The following SYN2 variants were observed in gnomAD, a reference collection of about 807,000 sequenced individuals.
The protein encoded by SYN2 is synapsin-2.
A neutral mutation model predicts 50.9 loss-of-function variants in SYN2; 19 were observed. The observed-to-expected ratio is 0.37, with a 90% confidence interval of 0.26 to 0.55. The LOEUF (loss-of-function observed/expected upper bound fraction) is 0.55, where lower values mean the gene tolerates loss of function less well. Among genes scored for constraint, SYN2 ranks in the 20% least tolerant of loss-of-function variants. SYN2 has a pLI of 0.81. For missense variants in SYN2, 587 were observed against 576.4 expected (o/e 1.02, Z -0.19); for synonymous variants, 255 against 224.9 (o/e 1.13, Z -1.20).
chr3:12,052,427 G>A (rs1694885625), intron 1 of SYN2, among the ~76,000 whole-genome samples: 3 of 151,974 alleles, frequency 2.0e-5, no homozygotes, highest in Non-Finnish European at 4.4e-5. Context: ...AGTTACATTA[G>A]AATTTAATCA....
At chr3:12,053,245 A>AC (rs57929850) in intron 1 of SYN2, among the ~76,000 whole-genome samples, 4,724 of 152,122 alleles carry the variant, frequency 0.031, 155 homozygotes, top group East Asian at 0.19. Flanking sequence ...ACATGGTGAA[A>AC]CCCCGTCTCT....
chr3:12,117,544 A>G (rs1053603028), intron 1 of SYN2, among the ~76,000 whole-genome samples: 16 of 152,174 alleles, frequency 1.1e-4, no homozygotes, highest in Non-Finnish European at 1.5e-5. Flanking sequence ...CTCATCATTC[A>G]TTGTTTAGAG....
chr3:12,136,297 A>G (rs1696891409), intron 1 of SYN2, among the ~76,000 whole-genome samples: 1 of 152,226 alleles, frequency 6.6e-6, no homozygotes. Context: ...ACCACCTGTG[A>G]GCCAAACATT....
intron 1 of SYN2, among the ~76,000 whole-genome samples, chr3:12,087,534 T>C (rs1695729778): frequency 6.6e-6 from 1 of 151,260 alleles, no homozygotes; most frequent in Non-Finnish European, 1.5e-5. Flanking sequence ...TGGAACAGAA[T>C]AGAAATCCCA....
At chr3:12,136,538 G>C (rs1226305011) in intron 1 of SYN2, among the ~76,000 whole-genome samples, 1 of 152,132 alleles carries the variant, frequency 6.6e-6, no homozygotes, top group Non-Finnish European at 1.5e-5. Context: ...ATAAAAGAGG[G>C]CGTATTTAAG....
chr3:12,133,316 T>A (rs1422109390), intron 1 of SYN2, among the ~76,000 whole-genome samples: 1 of 152,206 alleles, frequency 6.6e-6, no homozygotes, highest in Admixed American at 6.5e-5. Flanking sequence ...CAATGATCCA[T>A]AACAGAAATT....
At chr3:12,129,636 C>A (rs943747357) in intron 1 of SYN2, among the ~76,000 whole-genome samples, 1 of 152,072 alleles carries the variant, frequency 6.6e-6, no homozygotes, top group Non-Finnish European at 1.5e-5. Flanking sequence ...ATGTAAATGG[C>A]TATTTGTTTT....
intron 1 of SYN2, among the ~76,000 whole-genome samples, chr3:12,023,307 T>G (rs1694185187): frequency 1.3e-5 from 2 of 152,212 alleles, no homozygotes; most frequent in African/African-American, 4.8e-5. Context: ...TCTTCATATT[T>G]TTAGCTAATC....
At chr3:12,129,218 A>C (rs1341952271) in intron 1 of SYN2, among the ~76,000 whole-genome samples, 1 of 152,218 alleles carries the variant, frequency 6.6e-6, no homozygotes, top group Non-Finnish European at 1.5e-5. Context: ...ATAGGAGGGA[A>C]TATGTGAGCT....
intron 7 of SYN2, among the ~76,000 whole-genome samples, chr3:12,163,033 G>A (rs1025804526): frequency 1.3e-5 from 2 of 152,096 alleles, no homozygotes; most frequent in African/African-American, 4.8e-5. Flanking sequence ...GAGGTCAGGA[G>A]ATCAAGACCA....
At chr3:12,121,158 T>A (rs1324076830) in intron 1 of SYN2, among the ~76,000 whole-genome samples, 4 of 152,204 alleles carry the variant, frequency 2.6e-5, no homozygotes, top group Admixed American at 2.6e-4. Flanking sequence ...GGCTCAGGCA[T>A]CACTTCTTTT....
At chr3:12,082,840 C>T (rs939028954) in intron 1 of SYN2, among the ~76,000 whole-genome samples, 2 of 152,102 alleles carry the variant, frequency 1.3e-5, no homozygotes, top group Non-Finnish European at 2.9e-5. Flanking sequence ...TCACCTATCT[C>T]CTTAATATCT....
At chr3:12,097,571 A>C (rs1406595726) in intron 1 of SYN2, among the ~76,000 whole-genome samples, 4 of 150,392 alleles carry the variant, frequency 2.7e-5, no homozygotes, top group African/African-American at 9.8e-5. Context: ...ACACCACTGC[A>C]CTCCAGCCTG....
At chr3:12,160,072 A>G (rs959759988) in intron 5 of SYN2, among the ~76,000 whole-genome samples, 1 of 147,110 alleles carries the variant, frequency 6.8e-6, no homozygotes, top group Non-Finnish European at 1.5e-5. Context: ...AAAAAGTAAA[A>G]GAAAAAACAA....
chr3:12,143,186 TG>T (rs746714916), intron 3 of SYN2, among the ~76,000 whole-genome samples: 1 of 152,046 alleles, frequency 6.6e-6, no homozygotes, highest in Non-Finnish European at 1.5e-5. Context: ...GTAACTGGGG[TG>T]CAGGATTGGA....
rs534479532 is a variant in SYN2, at chr3:12,070,460, C to T, written c.377+65532C>T. The T allele has an allele frequency of 6.0e-4, 351 of 583,964 alleles. 2 individuals are homozygous for T. In the East Asian group the frequency reaches 8.7e-3, roughly 14 times the overall value. The allele number at this position is 583,964 out of a possible 1,614,324, so 36.2% of individuals were successfully genotyped here. A position where few individuals can be genotyped will look rare whatever the true frequency, so the allele number is the denominator to read the frequency against. On this transcript the variant is annotated intron_variant, in intron 1 of 12. Transcript: ENST00000621198. Reference sequence around the variant, plus strand: ...ACTCTGACCCCATTGAGCGTGGCATCGTCATCAACTGGGATGACATGAAGA... The same window carrying T: ...ACTCTGACCCCATTGAGCGTGGCATTGTCATCAACTGGGATGACATGAAGA...
At position 12,140,637 on chromosome 3, in the gene SYN2, A is replaced by T; in HGVS notation, c.378-14A>T. On this transcript the variant is annotated splice_polypyrimidine_tract_variant and intron_variant, in intron 1 of 12. Transcript: ENST00000621198. ...GCACAAAACTAATTTGTGTGGGTTT[A>T]TTCTTTTCTCCAGGGCCAAGTGCTT... is the stretch of plus-strand genomic sequence containing the variant. The T allele has an allele frequency of 1.3e-6, 1 of 751,054 alleles. No individual in the cohort carries two copies. Among genetic ancestry groups the T allele is most frequent in the Non-Finnish European group, 2.5e-6 (1 of 401,774 alleles). The allele number at this position is 751,054 out of a possible 1,614,324, so 46.5% of individuals were successfully genotyped here.
chr3:12,164,952 T>C (rs1697744402), intron 7 of SYN2, among the ~76,000 whole-genome samples: 1 of 151,740 alleles, frequency 6.6e-6, no homozygotes, highest in Non-Finnish European at 1.5e-5. Flanking sequence ...AAACCAATTA[T>C]ATGAGGTTCA....
At chr3:12,124,374 A>G (rs181666449) in intron 1 of SYN2, among the ~76,000 whole-genome samples, 170 of 152,308 alleles carry the variant, frequency 1.1e-3, no homozygotes, top group Non-Finnish European at 2.1e-3. Context: ...TACTGATTAA[A>G]GTTATGTTTA....
Sources: allele counts gnomAD v4.1 joint callset (sites outside exome capture counted in the v4.1 genomes callset), GRCh38; gene constraint gnomAD v4.1.1; transcripts MANE v1.5; gene names NCBI Gene and HGNC (gene_info 2026-07-23, HGNC 2026-07-21).